ETS1: variants seen among roughly 807,000 people sequenced by gnomAD.
ETS1 encodes ETS proto-oncogene 1, transcription factor, also known as protein C-ets-1.
Under a neutral mutation model 58.6 loss-of-function variants are expected in ETS1, and 15 were observed. The ratio of observed to expected loss-of-function variants is 0.26; its 90% CI spans 0.17 to 0.39. ETS1 has a LOEUF of 0.39. Ranked by LOEUF, ETS1 falls within the 10% of genes least tolerant of loss-of-function variation. The pLI is 1.00. For synonymous variants in ETS1, 214 were observed against 218.2 expected (o/e 0.98, Z 0.17); for missense variants, 417 against 610.5 (o/e 0.68, Z 3.34).
chr11:128,586,514 A>G (rs954708715), intron 1 of ETS1, among the ~76,000 whole-genome samples: 1 of 152,194 alleles, frequency 6.6e-6, no homozygotes, highest in African/African-American at 2.4e-5. Flanking sequence ...AATCAAATGG[A>G]GCTGATGGAG....
intron 3 of ETS1, among the ~76,000 whole-genome samples, chr11:128,548,343 T>TA (rs1227154529): frequency 1.3e-5 from 2 of 151,848 alleles, no homozygotes; most frequent in African/African-American, 4.8e-5. Context: ...TTTTTTTTTT[T>TA]AATTTCTTCC....
chr11:128,568,755 C>T (rs1004299700), intron 2 of ETS1, among the ~76,000 whole-genome samples: 1 of 152,156 alleles, frequency 6.6e-6, no homozygotes, highest in Admixed American at 6.5e-5. Context: ...GGCATTCTTC[C>T]GCAGCAAATG....
intron 2 of ETS1, among the ~76,000 whole-genome samples, chr11:128,570,233 TTTTCC>T (rs1278867841): frequency 1.4e-5 from 2 of 144,942 alleles, no homozygotes; most frequent in African/African-American, 5.0e-5. Flanking sequence ...TTTCTTTTTC[TTTTCC>T]TTTTTTTTTT....
At chr11:128,554,744 G>A (rs372400966) in intron 3 of ETS1, among the ~76,000 whole-genome samples, 86 of 152,014 alleles carry the variant, frequency 5.7e-4, no homozygotes, top group African/African-American at 2.0e-3. Flanking sequence ...AAGCAAGGCA[G>A]CTTTAATCTC....
At chr11:128,547,437 A>T (rs773578926) in intron 3 of ETS1, among the ~76,000 whole-genome samples, 14 of 152,246 alleles carry the variant, frequency 9.2e-5, no homozygotes, top group Non-Finnish European at 1.8e-4. Flanking sequence ...CAGGTCTAAG[A>T]CATGGCAGAA....
intron 7 of ETS1, among the ~76,000 whole-genome samples, chr11:128,483,334 A>G (rs1862539945): frequency 1.3e-5 from 2 of 152,208 alleles, no homozygotes; most frequent in Admixed American, 6.5e-5. Context: ...TGCAATTTCA[A>G]AACAATGTGA....
At chr11:128,505,102 T>A (rs1863195056) in intron 3 of ETS1, 3 of 152,252 alleles carry the variant, frequency 2.0e-5, no homozygotes. Context: ...GAGTGAAGAC[T>A]GCAGTTAACT....
intron 2 of ETS1, among the ~76,000 whole-genome samples, chr11:128,570,884 T>A (rs962216163): frequency 6.6e-5 from 10 of 152,174 alleles, no homozygotes; most frequent in Admixed American, 6.5e-4. Flanking sequence ...CCTGGACTTG[T>A]CGTGTAGTGG....
At chr11:128,556,779 C>G (rs1464841759) in intron 2 of ETS1, among the ~76,000 whole-genome samples, 1 of 152,130 alleles carries the variant, frequency 6.6e-6, no homozygotes, top group Admixed American at 6.6e-5. Context: ...TTTAATGGTA[C>G]CTTACTCTGT....
At chr11:128,503,059 C>T (rs1045247423) in intron 3 of ETS1, among the ~76,000 whole-genome samples, 1 of 152,228 alleles carries the variant, frequency 6.6e-6, no homozygotes, top group African/African-American at 2.4e-5. Flanking sequence ...AAGAGATCCC[C>T]TGAGCAGTAA....
rs1005334125 is a variant in ETS1, at chr11:128,459,858, G to A, written c.*2503C>T. 17 of 152,380 alleles carry A rather than the reference G, an allele frequency of 1.1e-4. No individual in the cohort carries two copies. The highest frequency in any genetic ancestry group is 4.1e-4 in the African/African-American group (17 of 41,414). The allele number at this position is 152,380 out of a possible 1,614,324, so 9.4% of individuals were successfully genotyped here. Reference sequence around the variant, plus strand: ...CTTTCTTATATCTTATCTGCTATAGGAACTGCAGGAGTTATACTCACAGAA... The same window carrying A: ...CTTTCTTATATCTTATCTGCTATAGAAACTGCAGGAGTTATACTCACAGAA... On this transcript the variant is annotated 3_prime_UTR_variant, in exon 10 of 10. Transcript: ENST00000392668.
chr11:128,480,273 G>C lies in ETS1; in HGVS notation c.1041C>G (p.Thr347=). 4 of 1,614,160 alleles carry C rather than the reference G, an allele frequency of 2.5e-6. No homozygotes were observed. Among genetic ancestry groups the C allele is most frequent in the Non-Finnish European group, 2.5e-6 (3 of 1,180,038 alleles). The stretch of plus-strand genomic sequence containing the variant: ...CACGGTCCCGCACATAGTCCTTGAA[G>C]GTGCCCTTGGGCTTGTGGTTGGGCA... ...AALPNHKPKG[T]FKDYVRDRAD... Residue 347 remains threonine (T), a synonymous_variant, in exon 8 of 10, where the codon ACC becomes ACG. Transcript: ENST00000392668.
At chr11:128,498,165 C>T (rs756261622) in intron 3 of ETS1, among the ~76,000 whole-genome samples, 6 of 152,140 alleles carry the variant, frequency 3.9e-5, no homozygotes, top group Non-Finnish European at 5.9e-5. Flanking sequence ...CTATGTGTGA[C>T]AATGCCAAAG....
At chr11:128,490,713 A>ATT in intron 3 of ETS1, 137 bp from the exon 4 acceptor site, 6 of 469,024 alleles carry the variant, frequency 1.3e-5, no homozygotes, top group South Asian at 6.1e-5. Context: ...CAGAGCAGGC[A>ATT]ATTTTTTTTT....
At chr11:128,513,523 G>C (rs543544256) in intron 3 of ETS1, among the ~76,000 whole-genome samples, 2 of 152,302 alleles carry the variant, frequency 1.3e-5, no homozygotes, top group South Asian at 4.2e-4. Context: ...CTACTGGTAA[G>C]GAACAAATAC....
At chr11:128,502,178 A>G (rs374419089) in intron 3 of ETS1, among the ~76,000 whole-genome samples, 2 of 152,232 alleles carry the variant, frequency 1.3e-5, no homozygotes, top group East Asian at 3.8e-4. Context: ...CACAGCTCCA[A>G]CTGGACCCAA....
At chr11:128,573,858 C>G (rs990798846) in intron 1 of ETS1, among the ~76,000 whole-genome samples, 1 of 152,194 alleles carries the variant, frequency 6.6e-6, no homozygotes, top group Non-Finnish European at 1.5e-5. Context: ...AAGTTCATTA[C>G]ACACTTTCAT....
chr11:128,488,762 A>G (rs1862709519), intron 5 of ETS1, among the ~76,000 whole-genome samples: 1 of 152,148 alleles, frequency 6.6e-6, no homozygotes, highest in Admixed American at 6.5e-5. Context: ...ATATAACCCC[A>G]GTTCCTGCTC....
intron 8 of ETS1, among the ~76,000 whole-genome samples, chr11:128,479,372 T>G (rs889353877): frequency 1.3e-5 from 2 of 152,228 alleles, no homozygotes; most frequent in African/African-American, 4.8e-5. Flanking sequence ...TTTCTAATTT[T>G]TAGAAAACAC....
Sources: gnomAD v4.1 joint callset for allele counts (sites outside exome capture counted in the v4.1 genomes callset) on GRCh38, gnomAD v4.1.1 for gene constraint, MANE v1.5 for transcripts, NCBI Gene and HGNC (gene_info 2026-07-23, HGNC 2026-07-21) for gene names.